PTPN2: variants seen among roughly 807,000 people sequenced by gnomAD.
PTPN2 encodes the protein tyrosine-protein phosphatase non-receptor type 2.
Under a neutral mutation model 57.3 loss-of-function variants are expected in PTPN2, and 19 were observed. The observed-to-expected ratio is 0.33, with a 90% CI of 0.23 to 0.49. The LOEUF (loss-of-function observed/expected upper bound fraction) is 0.49. Among genes scored for constraint, PTPN2 ranks in the 20% least tolerant of loss-of-function variants. The pLI is 0.99. For synonymous variants in PTPN2, 153 were observed against 164.9 expected, an observed-to-expected ratio of 0.93 and a Z score of 0.55; for missense variants, 358 against 501.1, an observed-to-expected ratio of 0.71 and a Z score of 2.73.
Position 12,827,349 on chromosome 18 carries a change from A to T in PTPN2, c.361-1405T>A, listed in dbSNP as rs1449788731. ...CAGAGCGAGACTCCGTCTCAAAAAA[A>T]AAAAAAAATAATAATAATAATAATG... On this transcript the variant is annotated intron_variant, in intron 4 of 8. Transcript: ENST00000309660. Among the ~76,000 whole-genome samples the T allele has an allele frequency of 2.6e-3, 374 of 142,302 alleles. 3 individuals carry two copies. Among genetic ancestry groups the T allele is most frequent in the Non-Finnish European group, 4.0e-3 (261 of 65,186 alleles). The allele number at this position is 142,302 out of a possible 152,430, so 93.4% of individuals were successfully genotyped here. A position where few individuals can be genotyped will look rare whatever the true frequency, so the allele number is the denominator to read the frequency against.
At chr18:12,796,803 A>C (rs1211609869) in intron 8 of PTPN2, among the ~76,000 whole-genome samples, 1 of 152,138 alleles carries the variant, frequency 6.6e-6, no homozygotes, top group East Asian at 1.9e-4. Flanking sequence ...CTCTTCAATT[A>C]TCTTGCTCCA....
chr18:12,796,112 A>G (rs1053185766), intron 8 of PTPN2, among the ~76,000 whole-genome samples: 6 of 152,162 alleles, frequency 3.9e-5, no homozygotes, highest in African/African-American at 1.4e-4. Context: ...ATTCTAAAAG[A>G]TATCTGGCCT....
intron 1 of PTPN2, among the ~76,000 whole-genome samples, chr18:12,866,547 A>G (rs1467027443): frequency 6.6e-6 from 1 of 152,224 alleles, no homozygotes; most frequent in Non-Finnish European, 1.5e-5. Context: ...CAGAAAGTAG[A>G]TTAGTGGTTG....
chr18:12,811,586 T>C (rs1369856630), intron 7 of PTPN2, among the ~76,000 whole-genome samples: 1 of 152,202 alleles, frequency 6.6e-6, no homozygotes, highest in East Asian at 1.9e-4. Context: ...CTCATGGCTA[T>C]GTTCGACAGA....
chr18:12,820,172 T>C (rs746354255), intron 5 of PTPN2, among the ~76,000 whole-genome samples: 1 of 152,212 alleles, frequency 6.6e-6, no homozygotes, highest in Non-Finnish European at 1.5e-5. Flanking sequence ...GTCTGGGATA[T>C]TGGAAGCCAG....
At chr18:12,833,437 T>C (rs1406232385) in intron 3 of PTPN2, among the ~76,000 whole-genome samples, 1 of 152,020 alleles carries the variant, frequency 6.6e-6, no homozygotes, top group East Asian at 1.9e-4. Context: ...AGTTAAGTAG[T>C]ACAAGAGTAT....
intron 1 of PTPN2, among the ~76,000 whole-genome samples, chr18:12,878,578 T>C (rs762550974): frequency 1.1e-4 from 17 of 151,562 alleles, no homozygotes; most frequent in Non-Finnish European, 2.5e-4. Context: ...GCTGAGGCAG[T>C]AGAACTGCTT....
At chr18:12,853,166 T>C (rs1248452191) in intron 2 of PTPN2, among the ~76,000 whole-genome samples, 2 of 152,244 alleles carry the variant, frequency 1.3e-5, no homozygotes, top group Non-Finnish European at 2.9e-5. Context: ...TAAAAAATTT[T>C]TTAGAGACAG....
At chr18:12,863,655 T>C (rs1472151585) in intron 1 of PTPN2, 1 of 151,670 alleles carries the variant, frequency 6.6e-6, no homozygotes, top group Non-Finnish European at 1.5e-5. Flanking sequence ...CCTCCCTGCA[T>C]CTGTAACAAC....
Position 12,838,599 on chromosome 18 carries a change from AG to A in PTPN2, c.161-1709del, listed in dbSNP as rs1357317528. The stretch of plus-strand genomic sequence containing the variant: ...ACTACCTGCAGGGCACTGGGTCTGC[AG>A]GGCTCAGCCCCTGGCAGTGGCCTCG... On this transcript the variant is annotated intron_variant, in intron 2 of 8. Transcript: ENST00000309660. Among the ~76,000 whole-genome samples the A allele has an allele frequency of 1.1e-4, 16 of 152,364 alleles. No homozygotes were observed. In the East Asian group the frequency reaches 3.1e-3, roughly 29 times the overall value.
At chr18:12,883,938 G>C in intron 1 of PTPN2, 135 bp downstream of exon 1, 2 of 668,718 alleles carry the variant, frequency 3.0e-6, no homozygotes, top group African/African-American at 1.9e-5. Context: ...CCCCTGACGC[G>C]GACCGCGCCG....
At chr18:12,816,495 G>A (rs541629976) in intron 6 of PTPN2, among the ~76,000 whole-genome samples, 112 of 152,296 alleles carry the variant, frequency 7.4e-4, no homozygotes, top group African/African-American at 2.6e-3. Flanking sequence ...AAGAAGTAAA[G>A]ACAGAAGTTA....
intron 2 of PTPN2, among the ~76,000 whole-genome samples, chr18:12,847,138 A>T (rs1170551762): frequency 6.6e-6 from 1 of 152,208 alleles, no homozygotes; most frequent in Admixed American, 6.5e-5. Flanking sequence ...AGAGATGAAC[A>T]GGGGCAAGAA....
intron 2 of PTPN2, among the ~76,000 whole-genome samples, chr18:12,847,810 C>T (rs1038721310): frequency 8.0e-5 from 12 of 150,850 alleles, no homozygotes; most frequent in African/African-American, 4.9e-5. Context: ...TTAGTAGAGA[C>T]GGGGTTTCAC....
At chr18:12,822,287 T>C (rs1327453509) in intron 5 of PTPN2, among the ~76,000 whole-genome samples, 2 of 152,176 alleles carry the variant, frequency 1.3e-5, no homozygotes, top group East Asian at 1.9e-4. Context: ...GACAGGGAAA[T>C]AGAAGACAGT....
rs1491463153 is a variant in PTPN2 at position 12,870,350 on chromosome 18, T to TAC, written c.70-11097_70-11096insGT. ...ATATATGTATATATATACATATATATGTGTATATATATGTGTATATATACA... is the reference window on the plus strand; with the variant it reads ...ATATATGTATATATATACATATATATACGTGTATATATATGTGTATATATACA... On this transcript the variant is annotated intron_variant, in intron 1 of 8. Transcript: ENST00000309660. Among the ~76,000 whole-genome samples the TAC allele has an allele frequency of 7.1e-4, 30 of 42,410 alleles. 8 individuals are homozygous for TAC. Among genetic ancestry groups the TAC allele is most frequent in the African/African-American group, 3.7e-3 (26 of 7,000 alleles). 27.8% of individuals were successfully genotyped at this position (42,410 alleles called of 152,430 possible). A position where few individuals can be genotyped will look rare whatever the true frequency, so the allele number is the denominator to read the frequency against.
chr18:12,840,880 T>C (rs17657106), intron 2 of PTPN2: 201,330 of 1,568,896 alleles, frequency 0.13, 14,372 homozygotes, highest in Non-Finnish European at 0.15. Context: ...TCTGTGCCGA[T>C]GCAGTCCATG....
intron 2 of PTPN2, among the ~76,000 whole-genome samples, chr18:12,856,402 G>A (rs556656516): frequency 4.6e-5 from 7 of 152,284 alleles, no homozygotes; most frequent in Admixed American, 3.3e-4. Context: ...AGGGAGGCAT[G>A]TGTGGGGAGG....
At chr18:12,831,731 T>A (rs2042676802) in intron 3 of PTPN2, among the ~76,000 whole-genome samples, 1 of 152,178 alleles carries the variant, frequency 6.6e-6, no homozygotes, top group South Asian at 2.1e-4. Context: ...AAACTGTTAA[T>A]CTACAAATGC....
Sources: gnomAD v4.1 joint callset for allele counts (sites outside exome capture counted in the v4.1 genomes callset) on GRCh38, gnomAD v4.1.1 for gene constraint, MANE v1.5 for transcripts, NCBI Gene and HGNC (gene_info 2026-07-23, HGNC 2026-07-21) for gene names.